The following DHRS3 variants were observed in gnomAD, a reference collection of about 807,000 sequenced individuals.
The protein encoded by DHRS3 is short-chain dehydrogenase/reductase 3.
In DHRS3, 14 loss-of-function variants were observed where a neutral mutation model predicts 27.2. That is an observed-to-expected ratio of 0.52 (90% CI 0.34 to 0.81). The LOEUF (loss-of-function observed/expected upper bound fraction) is 0.81, where lower values mean the gene tolerates loss of function less well. Among genes scored for constraint, DHRS3 ranks in the 30% least tolerant of loss-of-function variants. The pLI is 0.01. For synonymous variants in DHRS3, 165 were observed against 175.9 expected (o/e 0.94, Z 0.49); for missense variants, 322 against 406.2 (o/e 0.79, Z 1.78).
At chr1:12,579,785 T>A (rs1174047441) in intron 2 of DHRS3, 7 of 211,574 alleles carry the variant, frequency 3.3e-5, no homozygotes, top group Admixed American at 5.3e-5. Flanking sequence ...ATATACTTTT[T>A]AAAAGGGATA....
At chr1:12,569,229 T>TCACACACACACACACA (rs1557509306) in intron 5 of DHRS3, among the ~76,000 whole-genome samples, 89 of 140,362 alleles carry the variant, frequency 6.3e-4, no homozygotes, top group African/African-American at 2.3e-3. Flanking sequence ...TCTCTCTCTC[T>TCACACACACACACACA]CTCACACACA....
intron 1 of DHRS3, among the ~76,000 whole-genome samples, chr1:12,606,961 G>C (rs777579404): frequency 6.6e-6 from 1 of 152,178 alleles, no homozygotes; most frequent in Non-Finnish European, 1.5e-5. Flanking sequence ...AAAGCAGACC[G>C]ACCAAGAGCA....
intron 3 of DHRS3, 145 bp downstream of exon 3, chr1:12,579,148 G>T: frequency 1.4e-6 from 2 of 1,415,930 alleles, no homozygotes; most frequent in Non-Finnish European, 9.7e-7. Flanking sequence ...GTGTCCTAGA[G>T]CTGGTCATTC....
intron 1 of DHRS3, among the ~76,000 whole-genome samples, chr1:12,595,819 G>A (rs1646791870): frequency 6.7e-6 from 1 of 149,944 alleles, no homozygotes; most frequent in African/African-American, 2.5e-5. Flanking sequence ...AAGGGGGCTG[G>A]GTTGAGGTCT....
rs1375992085 is a variant in DHRS3, at chr1:12,586,890, C to A, written c.196-6224G>T. 6.6e-6 allele frequency among the ~76,000 whole-genome samples: 1 copy of A among 152,096 alleles called. No individual in the cohort carries two copies. The highest frequency in any genetic ancestry group is 1.5e-5 in the Non-Finnish European group (1 of 68,024). On this transcript the variant is annotated intron_variant, in intron 1 of 5. Coordinates refer to ENST00000616661, the MANE Select transcript of DHRS3 (RefSeq NM_004753.7). This position sits in a 1 kb window ranked among gnomAD's most constrained non-coding sequence, Gnocchi z 5.0. ...GGATTAAGCTGGCAGAAGCTGGCAC[C>A]CACTAACTAACTGCTCAGTACCCAC...
Position 12,574,619 on chromosome 1 carries a change from G to C in DHRS3, c.699-1766C>G, listed in dbSNP as rs1380524816. Among the ~76,000 whole-genome samples the C allele has an allele frequency of 1.3e-5, 2 of 152,206 alleles. No homozygotes were observed. The highest frequency in any genetic ancestry group is 2.9e-5 in the Non-Finnish European group (2 of 68,042). ...CTGGATTCTCTGGCTTCCACCTGTG[G>C]CCTGGCCTGTCTCTTGGGAAAGGGA... is the stretch of plus-strand genomic sequence containing the variant. On this transcript the variant is annotated intron_variant, in intron 4 of 5. Transcript: ENST00000616661. This position sits in a 1 kb window ranked among gnomAD's most constrained non-coding sequence, Gnocchi z 4.6.
At position 12,578,369 on chromosome 1, in the gene DHRS3, G is replaced by A. The variant is rs1167334820; in HGVS notation, c.698+349C>T. On this transcript the variant is annotated intron_variant, in intron 4 of 5. Transcript: ENST00000616661. This position sits in a 1 kb window ranked among gnomAD's most constrained non-coding sequence, Gnocchi z 4.5. ...CTCTCTCCCAGGCTGGAGTGCAGTC[G>A]CACAATCACAGCTCACTTGCAGCCT... Among the ~76,000 whole-genome samples, 2 of 152,188 alleles carry A rather than the reference G, an allele frequency of 1.3e-5. No homozygotes were observed. Among genetic ancestry groups the A allele is most frequent in the East Asian group, 3.8e-4 (2 of 5,196 alleles).
chr1:12,578,619 C>G lies in DHRS3; in HGVS notation c.698+99G>C. On this transcript the variant is annotated intron_variant, in intron 4 of 5. Transcript: ENST00000616661. This position sits in a 1 kb window ranked among gnomAD's most constrained non-coding sequence, Gnocchi z 4.5. ...TAGGTATGAGGCACCGTGCCTAGCC[C>G]GATTTTTATATCAGAGCTCTTTCTG... The G allele has an allele frequency of 1.6e-6, 2 of 1,285,980 alleles. No homozygotes were observed. Among genetic ancestry groups the G allele is most frequent in the Non-Finnish European group, 2.2e-6 (2 of 898,360 alleles). The allele number at this position is 1,285,980 out of a possible 1,614,324, so 79.7% of individuals were successfully genotyped here. A position where few individuals can be genotyped will look rare whatever the true frequency, so the allele number is the denominator to read the frequency against.
In DHRS3 at chr1:12,618,102, G is replaced by C. The variant is rs1267380580; in HGVS notation, c.-754C>G. ...TCCCTCTCTGTTCCAGCAGAGGCTG[G>C]GAGTTGCCGCTCGATCCAGCTCCCC... On this transcript the variant is annotated 5_prime_UTR_variant, in exon 1 of 6. Coordinates refer to ENST00000616661, the MANE Select transcript of DHRS3 (RefSeq NM_004753.7). The surrounding 1 kb of genome is among the most constrained non-coding windows in gnomAD (Gnocchi z 4.2). 6.6e-6 allele frequency among the ~76,000 whole-genome samples: 1 copy of C among 152,036 alleles called. No individual in the cohort carries two copies. The highest frequency in any genetic ancestry group is 1.5e-5 in the Non-Finnish European group (1 of 68,000).
chr1:12,613,061 A>C (rs1421115825), intron 1 of DHRS3, among the ~76,000 whole-genome samples: 1 of 142,530 alleles, frequency 7.0e-6, no homozygotes, highest in Non-Finnish European at 1.5e-5. Flanking sequence ...ACTCTGTTTC[A>C]AAAAAAAAAA....
chr1:12,599,525 C>T (rs999393143), intron 1 of DHRS3, among the ~76,000 whole-genome samples: 6 of 152,230 alleles, frequency 3.9e-5, no homozygotes, highest in Non-Finnish European at 5.9e-5. Flanking sequence ...CCCTAGTGCT[C>T]TCCCAATCAT....
At chr1:12,607,847 ATG>A (rs753847593) in intron 1 of DHRS3, among the ~76,000 whole-genome samples, 1 of 151,394 alleles carries the variant, frequency 6.6e-6, no homozygotes, top group African/African-American at 2.4e-5. Flanking sequence ...ATTTGTGTAT[ATG>A]TGTGTGTGTG....
Position 12,591,204 on chromosome 1 carries a change from T to G in DHRS3, c.196-10538A>C, listed in dbSNP as rs970759907. Among the ~76,000 whole-genome samples the G allele has an allele frequency of 1.3e-5, 2 of 152,188 alleles. No individual in the cohort carries two copies. Among genetic ancestry groups the G allele is most frequent in the Non-Finnish European group, 2.9e-5 (2 of 68,022 alleles). ...TGGTGTAGCCCTAGGTCGTTACAGG[T>G]GCCCCACGGCTGACCCCAGGAGGTC... On this transcript the variant is annotated intron_variant, in intron 1 of 5. Coordinates refer to ENST00000616661, the MANE Select transcript of DHRS3 (RefSeq NM_004753.7). This position sits in a 1 kb window ranked among gnomAD's most constrained non-coding sequence, Gnocchi z 4.1.
chr1:12,588,458 C>G (rs897808590), intron 1 of DHRS3, among the ~76,000 whole-genome samples: 5 of 152,236 alleles, frequency 3.3e-5, no homozygotes, highest in Non-Finnish European at 4.4e-5. Context: ...CTGCCTGACT[C>G]AGGATACCCA....
chr1:12,585,044 AGT>A (rs1373155697), intron 1 of DHRS3, among the ~76,000 whole-genome samples: 3 of 77,362 alleles, frequency 3.9e-5, no homozygotes, highest in African/African-American at 1.6e-4. Flanking sequence ...TGTGTGTCTG[AGT>A]GTGTGTCTCT....
intron 1 of DHRS3, among the ~76,000 whole-genome samples, chr1:12,603,324 G>A (rs61776840): frequency 0.77 from 116,832 of 152,226 alleles, 45,609 homozygotes; most frequent in East Asian, 0.92. Flanking sequence ...GAGAGGGAGC[G>A]GGCTGAGTCA....
Position 12,586,486 on chromosome 1 carries a change from C to G in DHRS3, c.196-5820G>C. The stretch of plus-strand genomic sequence containing the variant: ...GTCCATCCAGCACCACACGGACAGC[C>G]GGCTATGGGCTGGGGTGGTGATCCA... On this transcript the variant is annotated intron_variant, in intron 1 of 5. Coordinates refer to ENST00000616661, the MANE Select transcript of DHRS3 (RefSeq NM_004753.7). The surrounding 1 kb of genome is among the most constrained non-coding windows in gnomAD (Gnocchi z 5.0). Among the ~76,000 whole-genome samples, 1 of 150,372 alleles carries G rather than the reference C, an allele frequency of 6.7e-6. No homozygotes were observed. Among genetic ancestry groups the G allele is most frequent in the Non-Finnish European group, 1.5e-5 (1 of 67,446 alleles).
At chr1:12,588,242 C>T (rs201633050) in intron 1 of DHRS3, among the ~76,000 whole-genome samples, 1 of 152,164 alleles carries the variant, frequency 6.6e-6, no homozygotes, top group Non-Finnish European at 1.5e-5. Context: ...CCAGCCTCCC[C>T]ACAACAACAA....
chr1:12,578,684 G>A lies in DHRS3; in HGVS notation c.698+34C>T. On this transcript the variant is annotated intron_variant, in intron 4 of 5. Transcript: ENST00000616661. This position sits in a 1 kb window ranked among gnomAD's most constrained non-coding sequence, Gnocchi z 4.5. ...AATGGCTTGGGGAGGCAGGTGAGAA[G>A]GCTGGTCTCAAGGTGGGTCCCCTGC... 6.3e-7 allele frequency: 1 copy of A among 1,585,896 alleles called. No homozygotes were observed. The highest frequency in any genetic ancestry group is 8.7e-7 in the Non-Finnish European group (1 of 1,155,492).
Sources: gnomAD v4.1 joint callset for allele counts (sites outside exome capture counted in the v4.1 genomes callset) on GRCh38, gnomAD v4.1.1 for gene constraint, Gnocchi (gnomAD v3.1) non-coding constraint, MANE v1.5 for transcripts, NCBI Gene and HGNC (gene_info 2026-07-23, HGNC 2026-07-21) for gene names.